DSCAM: variants seen among roughly 807,000 people sequenced by gnomAD.
DSCAM encodes DS cell adhesion molecule, also known as cell adhesion molecule DSCAM.
In DSCAM, 47 loss-of-function variants were observed where a neutral mutation model predicts 217.7. The ratio of observed to expected loss-of-function variants is 0.22; its 90% CI spans 0.17 to 0.28. The LOEUF is 0.28. Ranked by LOEUF, DSCAM falls within the 10% of genes least tolerant of loss-of-function variation. The pLI, the probability that DSCAM is intolerant of heterozygous loss-of-function variation, is 1.00. For missense variants in DSCAM, 2,080 were observed against 2,618.3 expected (o/e 0.79, Z 4.49); for synonymous variants, 1,056 against 1,015.3 (o/e 1.04, Z -0.76).
At chr21:40,705,725 C>T (rs1303926600) in intron 2 of DSCAM, among the ~76,000 whole-genome samples, 1 of 152,148 alleles carries the variant, frequency 6.6e-6, no homozygotes, top group Non-Finnish European at 1.5e-5. Flanking sequence ...TCCCAGGACC[C>T]ATGGGGATTA....
At chr21:40,042,306 A>G in intron 32 of DSCAM, 65 bp downstream of exon 32, 2 of 1,551,280 alleles carry the variant, frequency 1.3e-6, no homozygotes, top group South Asian at 2.5e-5. Flanking sequence ...TTCACAGCAG[A>G]TGAGGGAGGA....
At chr21:40,313,183 C>T (rs1569057830) in intron 8 of DSCAM, among the ~76,000 whole-genome samples, 1 of 151,338 alleles carries the variant, frequency 6.6e-6, no homozygotes, top group African/African-American at 2.4e-5. Context: ...CTGTTATGTC[C>T]AACTAATAAC....
At chr21:40,446,379 T>C (rs561680914) in intron 3 of DSCAM, among the ~76,000 whole-genome samples, 1 of 152,294 alleles carries the variant, frequency 6.6e-6, no homozygotes, top group South Asian at 2.1e-4. Flanking sequence ...TCCAGTCCTA[T>C]GGCCACTGGG....
chr21:40,779,078 C>T (rs1438971268), intron 1 of DSCAM, among the ~76,000 whole-genome samples: 1 of 125,738 alleles, frequency 8.0e-6, no homozygotes, highest in Middle Eastern at 4.8e-3. Context: ...GTAGACTAAA[C>T]TTGTGTTTGA....
intron 1 of DSCAM, among the ~76,000 whole-genome samples, chr21:40,761,480 A>G (rs1457084727): frequency 1.3e-5 from 2 of 149,638 alleles, no homozygotes; most frequent in Non-Finnish European, 3.0e-5. Flanking sequence ...ACATCATGTG[A>G]TCATGAATAC....
chr21:40,778,662 A>C (rs1369945053), intron 1 of DSCAM, among the ~76,000 whole-genome samples: 1 of 152,200 alleles, frequency 6.6e-6, no homozygotes, highest in Non-Finnish European at 1.5e-5. Flanking sequence ...AGGATGTATA[A>C]GGATGATAAA....
chr21:40,433,509 T>A (rs1303455429), intron 3 of DSCAM, among the ~76,000 whole-genome samples: 1 of 152,164 alleles, frequency 6.6e-6, no homozygotes, highest in African/African-American at 2.4e-5. Context: ...TGAAGATGAT[T>A]TTCCTATAAT....
chr21:40,784,144 G>A (rs1400188581), intron 1 of DSCAM, among the ~76,000 whole-genome samples: 1 of 151,346 alleles, frequency 6.6e-6, no homozygotes, highest in East Asian at 1.9e-4. Flanking sequence ...ATGTGATATG[G>A]TTCTGCTCTG....
chr21:40,565,502 A>G, intron 3 of DSCAM, among the ~76,000 whole-genome samples: 1 of 152,234 alleles, frequency 6.6e-6, no homozygotes, highest in Non-Finnish European at 1.5e-5. Context: ...TAGGTCACAC[A>G]TAAGGAACAC....
At chr21:40,307,233 A>G (rs969682947) in intron 9 of DSCAM, among the ~76,000 whole-genome samples, 15 of 139,952 alleles carry the variant, frequency 1.1e-4, no homozygotes, top group Middle Eastern at 7.0e-3. Flanking sequence ...AAACAAATTT[A>G]CAAGAAAAAA....
chr21:40,501,956 A>G (rs1338286120), intron 3 of DSCAM, among the ~76,000 whole-genome samples: 1 of 152,174 alleles, frequency 6.6e-6, no homozygotes. Flanking sequence ...AATTGTATAT[A>G]TCTTGAAGAA....
At chr21:40,714,594 C>T (rs759365739) in intron 1 of DSCAM, among the ~76,000 whole-genome samples, 2 of 152,194 alleles carry the variant, frequency 1.3e-5, no homozygotes, top group Non-Finnish European at 1.5e-5. Context: ...CCATCCTGTT[C>T]CTGTCTCACC....
chr21:40,428,786 C>T (rs1325230476), intron 3 of DSCAM, among the ~76,000 whole-genome samples: 1 of 152,020 alleles, frequency 6.6e-6, no homozygotes, highest in Non-Finnish European at 1.5e-5. Flanking sequence ...TCCCAGCTGA[C>T]CACTGACATG....
intron 3 of DSCAM, among the ~76,000 whole-genome samples, chr21:40,516,825 T>C (rs1315171085): frequency 6.6e-6 from 1 of 151,670 alleles, no homozygotes; most frequent in East Asian, 1.9e-4. Context: ...GTTTCAAATC[T>C]GGATCTTGTT....
chr21:40,423,615 C>T (rs924273573), intron 3 of DSCAM, among the ~76,000 whole-genome samples: 13 of 152,140 alleles, frequency 8.5e-5, no homozygotes, highest in African/African-American at 2.9e-4. Context: ...TGTTCTAAAG[C>T]TGTCTAAAAT....
At chr21:40,166,904 T>G (rs1335174685) in intron 16 of DSCAM, among the ~76,000 whole-genome samples, 1 of 151,606 alleles carries the variant, frequency 6.6e-6, no homozygotes, top group Non-Finnish European at 1.5e-5. Context: ...TTTGCTGGGA[T>G]GAAATGAGAG....
chr21:40,651,539 C>T (rs915018097), intron 3 of DSCAM, among the ~76,000 whole-genome samples: 1 of 152,102 alleles, frequency 6.6e-6, no homozygotes, highest in Non-Finnish European at 1.5e-5. Context: ...AATTTCCATC[C>T]CTCTGATTTA....
chr21:40,142,211 C>G (rs1246323746), intron 18 of DSCAM, among the ~76,000 whole-genome samples: 1 of 151,984 alleles, frequency 6.6e-6, no homozygotes, highest in Non-Finnish European at 1.5e-5. Flanking sequence ...AGGAAGAGGC[C>G]AACATTTTAG....
At chr21:40,783,041 T>C (rs533001061) in intron 1 of DSCAM, among the ~76,000 whole-genome samples, 2 of 152,356 alleles carry the variant, frequency 1.3e-5, no homozygotes, top group Admixed American at 6.5e-5. Context: ...GTGGTATTTA[T>C]TGGTATTTTT....
Sources: gnomAD v4.1 joint callset for allele counts (sites outside exome capture counted in the v4.1 genomes callset) on GRCh38, gnomAD v4.1.1 for gene constraint, MANE v1.5 for transcripts, NCBI Gene and HGNC (gene_info 2026-07-23, HGNC 2026-07-21) for gene names.